MAK16: variants seen among roughly 807,000 people sequenced by gnomAD.
MAK16 encodes the protein MAK16 homolog.
A neutral mutation model predicts 49.9 loss-of-function variants in MAK16; 12 were observed. The ratio of observed to expected loss-of-function variants is 0.24; its 90% confidence interval spans 0.15 to 0.39. MAK16 has a LOEUF of 0.39. Ranked by LOEUF, MAK16 falls within the 10% of genes least tolerant of loss-of-function variation. The pLI, the probability that MAK16 is intolerant of heterozygous loss-of-function variation, is 1.00. For synonymous variants in MAK16, 115 were observed against 126.4 expected, an observed-to-expected ratio of 0.91 and a Z score of 0.60; for missense variants, 292 against 363.7, an observed-to-expected ratio of 0.80 and a Z score of 1.60.
chr8:33,488,259 C>A, intron 1 of MAK16, 119 bp from the exon 2 acceptor site: 1 of 1,110,076 alleles, frequency 9.0e-7, no homozygotes, highest in Non-Finnish European at 1.3e-6. Flanking sequence ...GTAAACAAGT[C>A]AGGCTATTTT....
At position 33,489,166 on chromosome 8, in the gene MAK16, T is replaced by G; in HGVS notation, c.392+27T>G. The G allele has an allele frequency of 6.3e-7, 1 of 1,580,742 alleles. No homozygotes were observed. The highest frequency in any genetic ancestry group is 8.6e-7 in the Non-Finnish European group (1 of 1,160,992). ...TAAGTATTTGGATCATTCATTATTT[T>G]TAAATCTCTCTTTTTATGGAGCTTG... On this transcript the variant is annotated intron_variant, in intron 5 of 9. Coordinates refer to ENST00000360128, the MANE Select transcript of MAK16 (RefSeq NM_032509.4). The surrounding 1 kb of genome is among the most constrained non-coding windows in gnomAD (Gnocchi z 4.2).
chr8:33,496,840 T>C (rs1290474256), intron 8 of MAK16, 99 bp downstream of exon 8: 2 of 862,168 alleles, frequency 2.3e-6, no homozygotes, highest in Non-Finnish European at 3.5e-6. Flanking sequence ...AAATGATATG[T>C]CTTCTTTTTT....
At position 33,490,358 on chromosome 8, in the gene MAK16, AT is replaced by A. The variant is rs1370334645; in HGVS notation, c.447+21del. 6.2e-7 allele frequency: 1 copy of A among 1,602,866 alleles called. No individual in the cohort carries two copies. Reference sequence around the variant, plus strand: ...AAGAGAGGTAACTTATTGTTGAGATATTCATACCTTCTACATTTTCTTTCTG... The same window carrying A: ...AAGAGAGGTAACTTATTGTTGAGATATCATACCTTCTACATTTTCTTTCTG... On this transcript the variant is annotated intron_variant, in intron 6 of 9. Transcript: ENST00000360128.
intron 1 of MAK16, among the ~76,000 whole-genome samples, chr8:33,488,111 A>G (rs1471196872): frequency 6.6e-6 from 1 of 152,156 alleles, no homozygotes; most frequent in African/African-American, 2.4e-5. Flanking sequence ...TATTTTTAAT[A>G]TAAACAGGGT....
At chr8:33,491,108 C>G (rs969858246) in intron 6 of MAK16, among the ~76,000 whole-genome samples, 4 of 152,204 alleles carry the variant, frequency 2.6e-5, no homozygotes, top group African/African-American at 9.6e-5. Flanking sequence ...TTACAAATGA[C>G]AGAATCTCAT....
intron 9 of MAK16, among the ~76,000 whole-genome samples, 157 bp from the exon 10 acceptor site, chr8:33,498,271 CAAAA>C (rs35740010): frequency 3.5e-5 from 3 of 85,780 alleles, no homozygotes; most frequent in African/African-American, 9.6e-5. Flanking sequence ...GACCCCGTCT[CAAAA>C]AAAAAAAAAA....
intron 6 of MAK16, among the ~76,000 whole-genome samples, chr8:33,492,171 G>C (rs1808788951): frequency 6.6e-6 from 1 of 152,000 alleles, no homozygotes; most frequent in Admixed American, 6.6e-5. Context: ...CACCATGCCT[G>C]GCTGTTTGTT....
intron 6 of MAK16, among the ~76,000 whole-genome samples, chr8:33,493,324 T>C (rs1185594273): frequency 6.6e-6 from 1 of 152,202 alleles, no homozygotes; most frequent in African/African-American, 2.4e-5. Context: ...CGGCTAATTT[T>C]TGTATTTTTA....
intron 7 of MAK16, among the ~76,000 whole-genome samples, chr8:33,496,018 C>G (rs1006000774): frequency 6.6e-6 from 1 of 151,930 alleles, no homozygotes; most frequent in Non-Finnish European, 1.5e-5. Context: ...GAATTTTATC[C>G]CTGGAATAAA....
intron 6 of MAK16, among the ~76,000 whole-genome samples, chr8:33,491,486 G>A (rs1808778049): frequency 6.6e-6 from 1 of 152,168 alleles, no homozygotes; most frequent in South Asian, 2.1e-4. Context: ...TAACTGGGGT[G>A]AGATATTTCA....
intron 5 of MAK16, among the ~76,000 whole-genome samples, chr8:33,490,003 G>A (rs2732273): frequency 0.022 from 3,388 of 152,064 alleles, 61 homozygotes; most frequent in East Asian, 0.078. Context: ...AAAAATGGCC[G>A]GATTAAAATA....
At chr8:33,496,575 A>T (rs1470956668) in intron 7 of MAK16, 50 bp from the exon 8 acceptor site, 1 of 1,375,022 alleles carries the variant, frequency 7.3e-7, no homozygotes, top group African/African-American at 1.4e-5. Flanking sequence ...TGGAACTTCA[A>T]GTGTAATATC....
chr8:33,491,926 G>A (rs550072955), intron 6 of MAK16, among the ~76,000 whole-genome samples: 1 of 152,036 alleles, frequency 6.6e-6, no homozygotes, highest in Non-Finnish European at 1.5e-5. Context: ...GAGCCACCAT[G>A]TCTGGCCCTT....
rs1233461767 is a variant in MAK16, at chr8:33,500,362, A to AGAT, written c.*1733_*1734insGAT. On this transcript the variant is annotated 3_prime_UTR_variant, in exon 10 of 10. Coordinates refer to ENST00000360128, the MANE Select transcript of MAK16 (RefSeq NM_032509.4). ...TCCTTGAGAACAGCGGTCCAGGAGA[A>AGAT]TCAGGCAGTCTGTGGCCTCCTGTAG... 1 of 1,614,066 alleles carries AGAT rather than the reference A, an allele frequency of 6.2e-7. No individual in the cohort carries two copies. Among genetic ancestry groups the AGAT allele is most frequent in the East Asian group, 2.2e-5 (1 of 44,896 alleles).
intron 7 of MAK16, 93 bp downstream of exon 7, chr8:33,495,709 TTTTTTTTTTTTTTTTTTTTTTTTTTG>T (rs1808847638): frequency 6.3e-6 from 3 of 475,296 alleles, no homozygotes; most frequent in African/African-American, 9.2e-5. Context: ...TTTTTTTTTT[TTTTTTTTTTTTTTTTTTTTTTTTTTG>T]AGATGGAGTC....
intron 9 of MAK16, among the ~76,000 whole-genome samples, chr8:33,497,569 C>A (rs569474825): frequency 7.1e-4 from 108 of 151,926 alleles, no homozygotes; most frequent in African/African-American, 2.5e-3. Context: ...CTGGGCTCAT[C>A]GCAGCCTCAG....
At chr8:33,485,366 A>C in intron 1 of MAK16, 145 bp downstream of exon 1, 1 of 1,081,838 alleles carries the variant, frequency 9.2e-7, no homozygotes, top group South Asian at 1.3e-5. Context: ...ATTTTCCAAC[A>C]TAGGTTCTCA....
chr8:33,490,211 CT>C, intron 5 of MAK16, 73 bp from the exon 6 acceptor site: 1 of 1,294,510 alleles, frequency 7.7e-7, no homozygotes, highest in Non-Finnish European at 1.1e-6. Flanking sequence ...AATTCCAATC[CT>C]TTTTTCTTCT....
At position 33,498,678 on chromosome 8, in the gene MAK16, T is replaced by TTG. The variant is rs1808938299; in HGVS notation, c.*50_*51insGT. ...AGGACTGAACATGCAGAACTGTTTT[T>TTG]TTTTTTTTTTTATCTTAAACACATA... On this transcript the variant is annotated 3_prime_UTR_variant, in exon 10 of 10. Coordinates refer to ENST00000360128, the MANE Select transcript of MAK16 (RefSeq NM_032509.4). 6.6e-7 allele frequency: 1 copy of TTG among 1,522,880 alleles called. No individual in the cohort carries two copies. The highest frequency in any genetic ancestry group is 2.3e-5 in the East Asian group (1 of 44,194). The allele number at this position is 1,522,880 out of a possible 1,614,324, so 94.3% of individuals were successfully genotyped here.
Sources: allele counts gnomAD v4.1 joint callset (sites outside exome capture counted in the v4.1 genomes callset), GRCh38; gene constraint gnomAD v4.1.1; non-coding constraint Gnocchi (gnomAD v3.1); transcripts MANE v1.5; gene names NCBI Gene and HGNC (gene_info 2026-07-23, HGNC 2026-07-21).